RTKN2: variants seen among roughly 807,000 people sequenced by gnomAD.
The protein encoded by RTKN2 is rhotekin-2.
A neutral mutation model predicts 71.5 loss-of-function variants in RTKN2; 69 were observed. That is an observed-to-expected ratio of 0.96 (90% CI 0.79 to 1.18). The LOEUF (loss-of-function observed/expected upper bound fraction) is 1.18. Ranked by LOEUF, RTKN2 falls within the 50% of genes most tolerant of loss-of-function variation. RTKN2 has a pLI of 0.00. For missense variants in RTKN2, 724 were observed against 719.7 expected, an observed-to-expected ratio of 1.01 and a Z score of -0.07; for synonymous variants, 236 against 236.5, an observed-to-expected ratio of 1.00 and a Z score of 0.02.
chr10:62,239,987 T>C (rs1276197984), intron 4 of RTKN2, among the ~76,000 whole-genome samples: 1 of 152,062 alleles, frequency 6.6e-6, no homozygotes. Context: ...AAGTTAAATA[T>C]ACAGGCCTCT....
At chr10:62,184,405 T>A (rs1039101004) in intron 8 of RTKN2, 1 of 1,390,696 alleles carries the variant, frequency 7.2e-7, no homozygotes, top group Non-Finnish European at 9.9e-7. Flanking sequence ...ACAAAAAAAA[T>A]CACCTTTAGT....
downstream of RTKN2, among the ~76,000 whole-genome samples, chr10:62,188,841 G>A (rs970210104): frequency 1.7e-4 from 26 of 151,724 alleles, 1 homozygote; most frequent in Admixed American, 3.3e-4. Flanking sequence ...TCCGCCTCCC[G>A]GGTTCACACC....
chr10:62,203,987 T>C (rs1468123924), intron 10 of RTKN2, among the ~76,000 whole-genome samples: 1 of 152,222 alleles, frequency 6.6e-6, no homozygotes, highest in Non-Finnish European at 1.5e-5. Flanking sequence ...CTCTTCCTCA[T>C]AGTGCTCCAG....
chr10:62,202,420 T>C (rs540439469), intron 10 of RTKN2, among the ~76,000 whole-genome samples: 14 of 152,220 alleles, frequency 9.2e-5, no homozygotes, highest in Non-Finnish European at 1.9e-4. Context: ...CATACCATAC[T>C]TCAACCAGGA....
rs892493628 is a variant in RTKN2, at chr10:62,193,173, TAAGC to T, written c.*4731_*4734del. Reference sequence around the variant, plus strand: ...GATAAACAAAATATAAAAATATTTTTAAGCAAGACACCAAAAAGTATTCATTTTC... The same window carrying T: ...GATAAACAAAATATAAAAATATTTTTAAGACACCAAAAAGTATTCATTTTC... On this transcript the variant is annotated 3_prime_UTR_variant, in exon 12 of 12. Transcript: ENST00000373789. 5.1e-6 allele frequency: 4 copies of T among 784,562 alleles called. No individual in the cohort carries two copies. Among genetic ancestry groups the T allele is most frequent in the South Asian group, 1.2e-4 (2 of 17,152 alleles). 48.6% of individuals were successfully genotyped at this position (784,562 alleles called of 1,614,324 possible). A position where few individuals can be genotyped will look rare whatever the true frequency, so the allele number is the denominator to read the frequency against.
chr10:62,231,039 AAC>A (rs1842137914), intron 6 of RTKN2, among the ~76,000 whole-genome samples: 1 of 152,304 alleles, frequency 6.6e-6, no homozygotes, highest in Admixed American at 6.5e-5. Context: ...CCAAATCTTT[AAC>A]AGTCTCGTTC....
In RTKN2 at chr10:62,195,530, CA is replaced by C. The variant is rs760205597; in HGVS notation, c.*2377del. On this transcript the variant is annotated 3_prime_UTR_variant, in exon 12 of 12. Transcript: ENST00000373789. ...AAGGGGATGAGACAGAGAGAGAGGA[CA>C]GGGGGCCAGAGAAAGAAACAAAGAC... 3 of 708,642 alleles carry C rather than the reference CA, an allele frequency of 4.2e-6. No individual in the cohort carries two copies. The highest frequency in any genetic ancestry group is 5.2e-6 in the Non-Finnish European group (3 of 581,842). The allele number at this position is 708,642 out of a possible 1,614,324, so 43.9% of individuals were successfully genotyped here. A position where few individuals can be genotyped will look rare whatever the true frequency, so the allele number is the denominator to read the frequency against.
intron 1 of RTKN2, among the ~76,000 whole-genome samples, chr10:62,263,572 G>A (rs1842816071): frequency 6.6e-6 from 1 of 152,152 alleles, no homozygotes; most frequent in Non-Finnish European, 1.5e-5. Flanking sequence ...TTAAGAGATG[G>A]CAGTGTGGTT....
chr10:62,246,990 G>A (rs1842490673), intron 2 of RTKN2, among the ~76,000 whole-genome samples: 1 of 151,866 alleles, frequency 6.6e-6, no homozygotes, highest in Non-Finnish European at 1.5e-5. Context: ...ATATTTCTAA[G>A]AGTATTCTTT....
At chr10:62,255,153 C>T (rs1842651499) in intron 2 of RTKN2, among the ~76,000 whole-genome samples, 1 of 152,072 alleles carries the variant, frequency 6.6e-6, no homozygotes, top group African/African-American at 2.4e-5. Context: ...AAATCTTGAA[C>T]TTGCCTAAGT....
In RTKN2 at chr10:62,195,481, GGAGAGACA is replaced by G; in HGVS notation, c.*2419_*2426del. 1.1e-6 allele frequency: 1 copy of G among 947,146 alleles called. No homozygotes were observed. Among genetic ancestry groups the G allele is most frequent in the Non-Finnish European group, 1.3e-6 (1 of 795,484 alleles). The allele number at this position is 947,146 out of a possible 1,614,324, so 58.7% of individuals were successfully genotyped here. Reference sequence around the variant, plus strand: ...TTTAAACTGTAAAGGAAGGGAGGAAGGAGAGACAGAAGGAAAGTGGGAAAAGGGGATGA... The same window carrying G: ...TTTAAACTGTAAAGGAAGGGAGGAAGGAAGGAAAGTGGGAAAAGGGGATGA... On this transcript the variant is annotated 3_prime_UTR_variant, in exon 12 of 12. Transcript: ENST00000373789.
intron 9 of RTKN2, among the ~76,000 whole-genome samples, chr10:62,216,602 C>T (rs1016321991): frequency 5.3e-5 from 8 of 152,052 alleles, no homozygotes; most frequent in Non-Finnish European, 7.4e-5. Context: ...GACAAATTTT[C>T]TAGGTAGTGT....
At chr10:62,235,705 T>C (rs1842243639) in intron 6 of RTKN2, among the ~76,000 whole-genome samples, 1 of 151,972 alleles carries the variant, frequency 6.6e-6, no homozygotes. Context: ...TGTATGTATA[T>C]AAAAATTAAT....
intron 2 of RTKN2, among the ~76,000 whole-genome samples, chr10:62,250,537 G>A (rs1842561148): frequency 6.6e-6 from 1 of 152,156 alleles, no homozygotes; most frequent in Non-Finnish European, 1.5e-5. Context: ...CTTAGCCATG[G>A]TTTTGCTTTC....
chr10:62,215,996 C>T (rs576645720), intron 9 of RTKN2, among the ~76,000 whole-genome samples: 1 of 151,686 alleles, frequency 6.6e-6, no homozygotes, highest in African/African-American at 2.4e-5. Flanking sequence ...ACAGTTTAAA[C>T]AAAACAGTTA....
intron 2 of RTKN2, among the ~76,000 whole-genome samples, chr10:62,249,687 T>C (rs1842543982): frequency 6.6e-6 from 1 of 152,228 alleles, no homozygotes; most frequent in South Asian, 2.1e-4. Context: ...TTGCTATTAA[T>C]CTTTTAACCT....
At chr10:62,255,222 A>G (rs1299123895) in intron 2 of RTKN2, among the ~76,000 whole-genome samples, 2 of 152,194 alleles carry the variant, frequency 1.3e-5, no homozygotes, top group Non-Finnish European at 2.9e-5. Context: ...ATATTGATAT[A>G]AACTCATGAT....
chr10:62,236,239 C>G lies in RTKN2; in HGVS notation c.513G>C (p.Gln171His). The G allele has an allele frequency of 6.2e-7, 1 of 1,609,926 alleles. No individual in the cohort carries two copies. The highest frequency in any genetic ancestry group is 8.5e-7 in the Non-Finnish European group (1 of 1,177,360). ...AGCAACTATACACTTCCACCTTTAT[C>G]TGAAAGTCTGGCCCTGCTTCATTAC... ...TIFNEAGPDF[Q>H]IKVEVYSCCT... The change falls in exon 6 of 12, where the codon CAG (glutamine) becomes CAC (histidine). Residue 171 changes from glutamine to histidine, a missense_variant. Gln to His is a conservative substitution (Grantham distance 24). Coordinates refer to ENST00000373789, the MANE Select transcript of RTKN2 (RefSeq NM_145307.4).
chr10:62,236,780 C>T (rs1285473382), intron 5 of RTKN2, among the ~76,000 whole-genome samples: 1 of 151,860 alleles, frequency 6.6e-6, no homozygotes, highest in African/African-American at 2.4e-5. Flanking sequence ...AACGGACAAC[C>T]ATTCTGCCTT....
Sources: allele counts gnomAD v4.1 joint callset (sites outside exome capture counted in the v4.1 genomes callset), GRCh38; gene constraint gnomAD v4.1.1; transcripts MANE v1.5; gene names NCBI Gene and HGNC (gene_info 2026-07-23, HGNC 2026-07-21).